CTNNA2: variants seen among roughly 807,000 people sequenced by gnomAD.
The protein encoded by CTNNA2 is catenin alpha 2, also known as catenin alpha-2.
A neutral mutation model predicts 101.0 loss-of-function variants in CTNNA2; 42 were observed. That is an observed-to-expected ratio of 0.42 (90% confidence interval 0.32 to 0.54). The LOEUF is 0.54. CTNNA2 is among the 20% of genes least tolerant of loss of function. The probability of loss-of-function intolerance (pLI) is 0.14; values close to 1 mark genes in which losing one functional copy is unlikely to be tolerated. For missense variants in CTNNA2, 871 were observed against 1,223.1 expected, an observed-to-expected ratio of 0.71 and a Z score of 4.29; for synonymous variants, 450 against 456.4, an observed-to-expected ratio of 0.99 and a Z score of 0.18.
In CTNNA2 at chr2:79,563,189, T is replaced by TATATATATATATATATATA. The variant is rs879673133; in HGVS notation, c.-6+49982_-6+49983insATATATATATATATATATA. On this transcript the variant is annotated intron_variant, in intron 1 of 18. Coordinates refer to ENST00000402739, the MANE Select transcript of CTNNA2 (RefSeq NM_001282597.3). ...TATATATATATATATATATATATAT[T>TATATATATATATATATATA]TTCCTTCATTCTCTCAGTACTATTT... Among the ~76,000 whole-genome samples, 128 of 40,300 alleles carry TATATATATATATATATATA rather than the reference T, an allele frequency of 3.2e-3. 3 individuals carry two copies. The highest frequency in any genetic ancestry group is 0.016 in the Middle Eastern group (1 of 62). The allele number at this position is 40,300 out of a possible 152,430, so 26.4% of individuals were successfully genotyped here.
chr2:79,715,733 G>T (rs1011341902), intron 2 of CTNNA2, among the ~76,000 whole-genome samples: 3 of 152,070 alleles, frequency 2.0e-5, no homozygotes, highest in Non-Finnish European at 4.4e-5. Flanking sequence ...TTGGTAAAAA[G>T]AAATATATGT....
chr2:80,452,697 C>T (rs1683617544), intron 9 of CTNNA2, among the ~76,000 whole-genome samples: 1 of 151,502 alleles, frequency 6.6e-6, no homozygotes, highest in Admixed American at 6.6e-5. Context: ...GGAAAACCAG[C>T]TTAGATAAAA....
In CTNNA2 at chr2:79,642,999, T is replaced by C. The variant is rs2104430087; in HGVS notation, c.-5-8553T>C. Among the ~76,000 whole-genome samples the C allele has an allele frequency of 1.3e-5, 2 of 152,198 alleles. 1 individual carries two copies. The highest frequency in any genetic ancestry group is 2.9e-5 in the Non-Finnish European group (2 of 68,006). The stretch of plus-strand genomic sequence containing the variant: ...CAAGGTCAAGAGATTGAGACCATCC[T>C]GGCCAACACAGTGAAACCCTGCCTC... On this transcript the variant is annotated intron_variant, in intron 1 of 18. Transcript: ENST00000402739.
At chr2:80,143,225 A>G (rs1375594372) in intron 7 of CTNNA2, among the ~76,000 whole-genome samples, 1 of 152,190 alleles carries the variant, frequency 6.6e-6, no homozygotes. Context: ...CTTTACGCTG[A>G]TATTTAGTCA....
intron 3 of CTNNA2, among the ~76,000 whole-genome samples, chr2:79,779,023 ATATT>A (rs143936894): frequency 0.055 from 8,306 of 152,146 alleles, 742 homozygotes; most frequent in African/African-American, 0.19. Context: ...TGGTTAGAAA[ATATT>A]TATTTATTCC....
intron 1 of CTNNA2, among the ~76,000 whole-genome samples, chr2:79,537,350 C>T (rs562165800): frequency 1.3e-5 from 2 of 152,334 alleles, no homozygotes; most frequent in South Asian, 2.1e-4. Context: ...GAATGCTCTG[C>T]TCATGCTCAG....
chr2:80,037,552 G>C (rs1304611139), intron 7 of CTNNA2, among the ~76,000 whole-genome samples: 1 of 152,206 alleles, frequency 6.6e-6, no homozygotes, highest in Admixed American at 6.5e-5. Flanking sequence ...GTAATGCCTA[G>C]TCTGTGACTG....
chr2:80,372,078 A>G (rs1454145119), intron 7 of CTNNA2, among the ~76,000 whole-genome samples: 1 of 152,160 alleles, frequency 6.6e-6, no homozygotes, highest in Non-Finnish European at 1.5e-5. Flanking sequence ...TGCAAGGACA[A>G]TATAAGAAAT....
At chr2:80,636,252 T>A (rs1327953551) in intron 18 of CTNNA2, among the ~76,000 whole-genome samples, 2 of 151,994 alleles carry the variant, frequency 1.3e-5, no homozygotes, top group African/African-American at 4.8e-5. Context: ...TTGGTAGACT[T>A]AGATGCTGAG....
chr2:80,633,199 TAAAAGATTATGTTTTAAAAGTTTTTA>T lies in CTNNA2; in HGVS notation c.2574+13974_2574+13999del, dbSNP rs577645944. 4.3e-4 allele frequency among the ~76,000 whole-genome samples: 65 copies of T among 152,316 alleles called. No homozygotes were observed. In the East Asian group the frequency reaches 7.3e-3, roughly 17 times the overall value. On this transcript the variant is annotated intron_variant, in intron 18 of 18. Transcript: ENST00000402739. ...TCGTGGTGTGTGCTGCATGACACAT[TAAAAGATTATGTTTTAAAAGTTTTTA>T]AATTTTTTGATAAATAAGTGGTATA...
At chr2:80,204,817 G>C (rs1707429015) in intron 7 of CTNNA2, among the ~76,000 whole-genome samples, 4 of 142,498 alleles carry the variant, frequency 2.8e-5, no homozygotes, top group Admixed American at 2.7e-4. Flanking sequence ...CCCAAGACTG[G>C]GCAATTTCCA....
chr2:79,450,152 A>G (rs755982470), intron 4 of CTNNA2, among the ~76,000 whole-genome samples: 2 of 151,966 alleles, frequency 1.3e-5, no homozygotes, highest in South Asian at 4.1e-4. Flanking sequence ...TAGAAAGATC[A>G]TGAGAACATT....
intron 7 of CTNNA2, among the ~76,000 whole-genome samples, chr2:80,389,260 C>A (rs912818753): frequency 9.2e-5 from 14 of 152,078 alleles, no homozygotes; most frequent in African/African-American, 3.4e-4. Flanking sequence ...GATCGTCCTG[C>A]TAACCTTGTG....
chr2:79,463,273 T>A (rs1467100528), intron 4 of CTNNA2, among the ~76,000 whole-genome samples: 1 of 151,734 alleles, frequency 6.6e-6, no homozygotes, highest in East Asian at 1.9e-4. Context: ...CCAGGTGTGA[T>A]GATGTGCACC....
intron 3 of CTNNA2, among the ~76,000 whole-genome samples, chr2:79,341,004 C>A (rs1010955123): frequency 6.6e-6 from 1 of 151,076 alleles, no homozygotes; most frequent in Non-Finnish European, 1.5e-5. Flanking sequence ...CTATCATGTA[C>A]AATAAATATG....
At chr2:80,611,223 CTTAGT>C (rs948692957) in intron 17 of CTNNA2, among the ~76,000 whole-genome samples, 4 of 150,560 alleles carry the variant, frequency 2.7e-5, no homozygotes, top group African/African-American at 9.8e-5. Flanking sequence ...TATTTATTTG[CTTAGT>C]TTAATGTTTG....
intron 7 of CTNNA2, among the ~76,000 whole-genome samples, chr2:80,241,587 A>ATAAC (rs1670943865): frequency 6.7e-6 from 1 of 148,298 alleles, no homozygotes; most frequent in South Asian, 2.2e-4. Flanking sequence ...TGCATCTATT[A>ATAAC]TATCTATCTA....
intron 7 of CTNNA2, among the ~76,000 whole-genome samples, chr2:80,175,535 ATG>A (rs1286211608): frequency 6.6e-6 from 1 of 152,186 alleles, no homozygotes; most frequent in Non-Finnish European, 1.5e-5. Context: ...GAGCACCTAC[ATG>A]TGTTTGCTTC....
At position 79,747,873 on chromosome 2, in the gene CTNNA2, C is replaced by G. The variant is rs532656630; in HGVS notation, c.298+3291C>G. Among the ~76,000 whole-genome samples the G allele has an allele frequency of 2.6e-5, 4 of 152,310 alleles. No homozygotes were observed. The South Asian group carries it at 8.3e-4, about 32-fold the overall frequency. ...GTCTACGTGTAACCTGTATAAAACT[C>G]AAATGCCACGTGCTCCTTCTCTTGA... On this transcript the variant is annotated intron_variant, in intron 3 of 18. Transcript: ENST00000402739.
Sources: allele counts gnomAD v4.1 joint callset (sites outside exome capture counted in the v4.1 genomes callset), GRCh38; gene constraint gnomAD v4.1.1; transcripts MANE v1.5; gene names NCBI Gene and HGNC (gene_info 2026-07-23, HGNC 2026-07-21).